The following KCNT2 variants were observed in gnomAD, a reference collection of about 807,000 sequenced individuals.
The protein encoded by KCNT2 is potassium sodium-activated channel subfamily T member 2, also known as potassium channel subfamily T member 2.
KCNT2 carries 67 observed loss-of-function variants against 153.8 expected under a neutral mutation model. The ratio of observed to expected loss-of-function variants is 0.44; its 90% CI spans 0.36 to 0.53. KCNT2 has a LOEUF of 0.53. KCNT2 is among the 20% of genes least tolerant of loss of function. The probability of loss-of-function intolerance (pLI) is 0.00; values close to 1 mark genes in which losing one functional copy is unlikely to be tolerated. For missense variants in KCNT2, 975 were observed against 1,354.8 expected (o/e 0.72, Z 4.40); for synonymous variants, 500 against 458.8 (o/e 1.09, Z -1.15).
At chr1:196,456,989 C>G (rs1331400259) in intron 8 of KCNT2, among the ~76,000 whole-genome samples, 1 of 151,808 alleles carries the variant, frequency 6.6e-6, no homozygotes, top group African/African-American at 2.4e-5. Context: ...TTTGTATTTT[C>G]CAGTCAAAAC....
intron 22 of KCNT2, among the ~76,000 whole-genome samples, chr1:196,294,909 A>G (rs962936012): frequency 6.6e-6 from 1 of 151,844 alleles, no homozygotes; most frequent in African/African-American, 2.4e-5. Context: ...GTGGAAGGGC[A>G]TAAGGGGATG....
intron 8 of KCNT2, among the ~76,000 whole-genome samples, chr1:196,460,337 T>C (rs1677041971): frequency 6.6e-6 from 1 of 151,828 alleles, no homozygotes; most frequent in Admixed American, 6.6e-5. Flanking sequence ...AAAACTTAAC[T>C]GAAAATAAGA....
intron 1 of KCNT2, among the ~76,000 whole-genome samples, chr1:196,538,972 T>C (rs1017568646): frequency 2.0e-5 from 3 of 152,230 alleles, no homozygotes; most frequent in Non-Finnish European, 2.9e-5. Flanking sequence ...TTGAATTTTT[T>C]AAAAATAACA....
intron 5 of KCNT2, among the ~76,000 whole-genome samples, chr1:196,471,016 G>C (rs996486035): frequency 1.3e-5 from 2 of 151,516 alleles, no homozygotes; most frequent in African/African-American, 4.9e-5. Context: ...AAGTAGCTGG[G>C]ACTGCAGGCA....
intron 1 of KCNT2, among the ~76,000 whole-genome samples, chr1:196,604,524 G>T (rs1186066805): frequency 2.0e-5 from 3 of 152,096 alleles, no homozygotes; most frequent in African/African-American, 7.2e-5. Flanking sequence ...TTCTCATTTA[G>T]CAACTCAAAT....
intron 1 of KCNT2, among the ~76,000 whole-genome samples, chr1:196,547,389 C>T (rs1657248366): frequency 6.6e-6 from 1 of 151,878 alleles, no homozygotes; most frequent in Admixed American, 6.6e-5. Flanking sequence ...GCAGTGTGGA[C>T]ACTTACTTTC....
At chr1:196,515,936 C>T (rs1347556158) in intron 1 of KCNT2, among the ~76,000 whole-genome samples, 2 of 152,094 alleles carry the variant, frequency 1.3e-5, no homozygotes, top group Non-Finnish European at 2.9e-5. Flanking sequence ...CAGGAGATCC[C>T]CTGGTGAACT....
intron 26 of KCNT2, among the ~76,000 whole-genome samples, chr1:196,240,830 G>A (rs1229017406): frequency 6.6e-6 from 1 of 152,004 alleles, no homozygotes; most frequent in Admixed American, 6.6e-5. Flanking sequence ...GAAGGCTGGT[G>A]GTATGAAACA....
rs1353824431 is a variant in KCNT2 at position 196,373,273 on chromosome 1, T to G, written c.1295-25A>C. 5.2e-6 allele frequency: 5 copies of G among 966,814 alleles called. No homozygotes were observed. The Middle Eastern group carries it at 7.1e-4, about 137-fold the overall frequency. 59.9% of individuals were successfully genotyped at this position (966,814 alleles called of 1,614,324 possible). ...TCTGTTTGAAATAAAATAGGTAAAT[T>G]AGAATAATTTACCTTTGGAGAGTAA... On this transcript the variant is annotated intron_variant, in intron 13 of 27. Transcript: ENST00000294725.
chr1:196,479,299 G>T (rs922752930), intron 4 of KCNT2, 61 bp from the exon 5 acceptor site: 5 of 955,160 alleles, frequency 5.2e-6, no homozygotes, highest in South Asian at 1.4e-5. Context: ...ATATATTCTT[G>T]GCTATACTAC....
At chr1:196,369,656 C>A (rs1372196562) in intron 14 of KCNT2, among the ~76,000 whole-genome samples, 1 of 152,260 alleles carries the variant, frequency 6.6e-6, no homozygotes, top group Non-Finnish European at 1.5e-5. Context: ...GACATGAACT[C>A]ATCCTTTTTT....
At chr1:196,484,004 C>T (rs1298787311) in intron 3 of KCNT2, among the ~76,000 whole-genome samples, 2 of 152,008 alleles carry the variant, frequency 1.3e-5, no homozygotes, top group Non-Finnish European at 1.5e-5. Context: ...AGAAATCAGA[C>T]CACAACAAGG....
At chr1:196,233,842 G>C (rs1033590237) in intron 27 of KCNT2, among the ~76,000 whole-genome samples, 1 of 151,422 alleles carries the variant, frequency 6.6e-6, no homozygotes, top group African/African-American at 2.4e-5. Context: ...TCAAATGTGT[G>C]AGCTAAAATA....
chr1:196,235,536 T>A (rs965819562), intron 27 of KCNT2, among the ~76,000 whole-genome samples: 1 of 151,382 alleles, frequency 6.6e-6, no homozygotes, highest in African/African-American at 2.4e-5. Flanking sequence ...CATCTTTAGG[T>A]GAGTGCTACC....
chr1:196,334,909 G>A (rs972266423), intron 16 of KCNT2, among the ~76,000 whole-genome samples: 3 of 152,006 alleles, frequency 2.0e-5, no homozygotes, highest in African/African-American at 7.2e-5. Context: ...ATACAATAAG[G>A]AGCACACAAG....
chr1:196,251,360 C>T (rs566016151), intron 26 of KCNT2, among the ~76,000 whole-genome samples: 41 of 152,092 alleles, frequency 2.7e-4, no homozygotes, highest in African/African-American at 9.9e-4. Flanking sequence ...TTTCCTCTAG[C>T]CCTTCCAAAG....
chr1:196,497,258 C>T (rs1480352024), intron 1 of KCNT2, among the ~76,000 whole-genome samples: 2 of 152,058 alleles, frequency 1.3e-5, no homozygotes, highest in African/African-American at 2.4e-5. Flanking sequence ...TTTTTCTTGT[C>T]ATTATTCCCT....
intron 1 of KCNT2, 141 bp downstream of exon 1, chr1:196,608,074 G>A: frequency 1.4e-6 from 1 of 715,620 alleles, no homozygotes; most frequent in Non-Finnish European, 2.5e-6. Context: ...ACAAATCAGA[G>A]TCTCTTTTAC....
At chr1:196,495,446 C>A (rs902449142) in intron 1 of KCNT2, among the ~76,000 whole-genome samples, 1 of 151,950 alleles carries the variant, frequency 6.6e-6, no homozygotes, top group East Asian at 1.9e-4. Context: ...ATAATCTCAC[C>A]GCTTCCTTTT....
Sources: gnomAD v4.1 joint callset for allele counts (sites outside exome capture counted in the v4.1 genomes callset) on GRCh38, gnomAD v4.1.1 for gene constraint, MANE v1.5 for transcripts, NCBI Gene and HGNC (gene_info 2026-07-23, HGNC 2026-07-21) for gene names.